CTSF: variants seen among roughly 807,000 people sequenced by gnomAD.
The protein encoded by CTSF is cathepsin F.
A neutral mutation model predicts 63.5 loss-of-function variants in CTSF; 65 were observed. That is an observed-to-expected ratio of 1.02 (90% CI 0.84 to 1.26). The LOEUF is 1.26. Ranked by LOEUF, CTSF falls within the 50% of genes most tolerant of loss-of-function variation. The pLI is 0.00. For synonymous variants in CTSF, 256 were observed against 258.1 expected (o/e 0.99, Z 0.08); for missense variants, 641 against 631.0 (o/e 1.02, Z -0.17).
chr11:66,568,387 GC>G lies in CTSF; in HGVS notation c.99del (p.Pro34ArgfsTer114), dbSNP rs1189504131. 2 of 1,307,988 alleles carry G rather than the reference GC, an allele frequency of 1.5e-6. No individual in the cohort carries two copies. The highest frequency in any genetic ancestry group is 1.9e-6 in the Non-Finnish European group (2 of 1,036,550). The allele number at this position is 1,307,988 out of a possible 1,614,324, so 81.0% of individuals were successfully genotyped here. On this transcript the variant is annotated frameshift_variant, in exon 1 of 13. Coordinates refer to ENST00000310325, the MANE Select transcript of CTSF (RefSeq NM_003793.4). LOFTEE classifies it high-confidence loss of function. The part of the protein sequence containing the change: ...QPRAASFQAW[G>X]PPSPELLAPT... ...GGCGCCAGCAGCTCCGGGGACGGCGGCCCCCAGGCCTGAAAGCTGGCGGCTC... is the reference window on the plus strand; with the variant it reads ...GGCGCCAGCAGCTCCGGGGACGGCGGCCCCAGGCCTGAAAGCTGGCGGCTC...
Position 66,564,903 on chromosome 11 carries a change from C to T in CTSF, c.1149G>A (p.Leu383=), listed in dbSNP as rs764163045. The T allele has an allele frequency of 1.9e-6, 3 of 1,611,908 alleles. No homozygotes were observed. In the South Asian group the frequency reaches 3.3e-5, roughly 18 times the overall value. Residue 383 remains leucine, a synonymous_variant, in exon 9 of 13, where the codon CTG becomes CTA. Transcript: ENST00000310325. ...CTCACTCACTCTGCTCGTTCTGGCT[C>T]AGCTCCACGGAGTCATTGATGTAGA... ...AKVYINDSVE[L]SQNEQKLAAW...
At chr11:66,567,105 G>A in intron 4 of CTSF, 141 bp downstream of exon 4, 1 of 848,208 alleles carries the variant, frequency 1.2e-6, no homozygotes, top group Non-Finnish European at 1.9e-6. Context: ...GGCTGGGAAG[G>A]CTTAGGGAGA....
Position 66,564,130 on chromosome 11 carries a change from A to G in CTSF, c.1338T>C (p.Phe446=), listed in dbSNP as rs749483471. The G allele has an allele frequency of 2.0e-5, 32 of 1,612,684 alleles. No individual in the cohort carries two copies. In the East Asian group the frequency reaches 6.9e-4, roughly 35 times the overall value. ...TGCCCCAGCTGTTCTTGATGGCCCA[A>G]AAGGGAACGTCAGAGCCTGGGGTGC... ...VGYGNRSDVP[F]WAIKNSWGTD... Residue 446 remains phenylalanine (F), a synonymous_variant, in exon 12 of 13, where the codon TTT becomes TTC. Coordinates refer to ENST00000310325, the MANE Select transcript of CTSF (RefSeq NM_003793.4).
Position 66,568,560 on chromosome 11 carries a change from C to A in CTSF, c.-74G>T, listed in dbSNP as rs1430246881. The A allele has an allele frequency of 2.6e-5, 37 of 1,439,962 alleles. No individual in the cohort carries two copies. Among genetic ancestry groups the A allele is most frequent in the Non-Finnish European group, 3.4e-5 (37 of 1,101,070 alleles). The allele number at this position is 1,439,962 out of a possible 1,614,324, so 89.2% of individuals were successfully genotyped here. On this transcript the variant is annotated 5_prime_UTR_variant, in exon 1 of 13. Coordinates refer to ENST00000310325, the MANE Select transcript of CTSF (RefSeq NM_003793.4). Reference sequence around the variant, plus strand: ...CACCGGGTACCGAGCCCGCGGCCAGCGGGGCCTGAGTCCTCCCTCCAGCGG... The same window carrying A: ...CACCGGGTACCGAGCCCGCGGCCAGAGGGGCCTGAGTCCTCCCTCCAGCGG...
intron 11 of CTSF, chr11:66,564,354 T>C: frequency 1.3e-6 from 1 of 763,306 alleles, no homozygotes; most frequent in South Asian, 1.9e-5. Context: ...TTGCAGGTTA[T>C]TAGGCCATCA....
chr11:66,566,178 A>G lies in CTSF; in HGVS notation c.722-11T>C. 6.2e-7 allele frequency: 1 copy of G among 1,614,008 alleles called. No individual in the cohort carries two copies. The highest frequency in any genetic ancestry group is 8.5e-7 in the Non-Finnish European group (1 of 1,179,984). ...TGCGGAACTCCTCCTCTGCGGGCAA[A>G]GGTGGGCAGGGCATGGGGAGGAAGA... On this transcript the variant is annotated splice_polypyrimidine_tract_variant and intron_variant, in intron 5 of 12. Coordinates refer to ENST00000310325, the MANE Select transcript of CTSF (RefSeq NM_003793.4).
Position 66,567,582 on chromosome 11 carries a change from A to G in CTSF, c.393T>C (p.Val131=), listed in dbSNP as rs779437860. The part of the protein sequence containing the change: ...RKDCGPVDTK[V]PGAGEPKSAF... ...CTGACTTGGGCTCCCCAGCACCTGG[A>G]ACCTTGGTGTCCACTGGGCCACAGT... The change falls in exon 3 of 13, where the codon GTT becomes GTC. Residue 131 remains valine (V), a synonymous_variant. Transcript: ENST00000310325. 8 of 1,614,074 alleles carry G rather than the reference A, an allele frequency of 5.0e-6. No individual in the cohort carries two copies. Among genetic ancestry groups the G allele is most frequent in the Non-Finnish European group, 6.8e-6 (8 of 1,180,040 alleles).
At position 66,566,425 on chromosome 11, in the gene CTSF, G is replaced by GACCCC; in HGVS notation, c.608-22_608-21insGGGGT. Reference sequence around the variant, plus strand: ...GGCTTCTGAGGACCAAGGAGCAGAAGAGGAGGGGTTCGACCCCAGGCAGAT... The same window carrying GACCCC: ...GGCTTCTGAGGACCAAGGAGCAGAAGACCCCAGGAGGGGTTCGACCCCAGGCAGAT... On this transcript the variant is annotated intron_variant, in intron 4 of 12. Transcript: ENST00000310325. The GACCCC allele has an allele frequency of 1.9e-6, 3 of 1,612,020 alleles. No individual in the cohort carries two copies. The East Asian group carries it at 6.7e-5, about 36-fold the overall frequency.
chr11:66,565,826 C>T lies in CTSF; in HGVS notation c.964+5G>A. On this transcript the variant is annotated splice_donor_5th_base_variant and intron_variant, in intron 7 of 12. Coordinates refer to ENST00000310325, the MANE Select transcript of CTSF (RefSeq NM_003793.4). Reference sequence around the variant, plus strand: ...GGGGACAGAGGAGTAGAGCGAGATGCTCACCCTGTTCAGAGAGGGAGAGCA... The same window carrying T: ...GGGGACAGAGGAGTAGAGCGAGATGTTCACCCTGTTCAGAGAGGGAGAGCA... 1 of 1,613,978 alleles carries T rather than the reference C, an allele frequency of 6.2e-7. No individual in the cohort carries two copies. Among genetic ancestry groups the T allele is most frequent in the Non-Finnish European group, 8.5e-7 (1 of 1,180,040 alleles).
intron 11 of CTSF, 69 bp downstream of exon 11, chr11:66,564,489 G>T: frequency 7.4e-7 from 1 of 1,345,070 alleles, no homozygotes; most frequent in South Asian, 1.4e-5. Context: ...CCCTCTAGAG[G>T]ACCTGAGATG....
Position 66,564,575 on chromosome 11 carries a change from A to G in CTSF, c.1304T>C (p.Leu435Pro). Residue 435 changes from leucine (L) to proline (P), a missense_variant, in exon 11 of 13, where the codon CTT becomes CCT. Physicochemically the swap from Leu to Pro is moderately conservative, Grantham distance 98. Coordinates refer to ENST00000310325, the MANE Select transcript of CTSF (RefSeq NM_003793.4). ...GAACTCACGGTTGCCGTAGCCCACAAGCAACACCGCATGGTCAATGAGCCA... is the reference window on the plus strand; with the variant it reads ...GAACTCACGGTTGCCGTAGCCCACAGGCAACACCGCATGGTCAATGAGCCA... ...SPWLIDHAVL[L>P]VGYGNRSDVP... 1 of 1,574,510 alleles carries G rather than the reference A, an allele frequency of 6.4e-7. No homozygotes were observed. Among genetic ancestry groups the G allele is most frequent in the African/African-American group, 1.3e-5 (1 of 74,192 alleles).
rs1427373843 is a variant in CTSF, at chr11:66,565,889, G to A, written c.906C>T (p.Gly302=). 2 of 1,614,058 alleles carry A rather than the reference G, an allele frequency of 1.2e-6. No homozygotes were observed. The highest frequency in any genetic ancestry group is 4.5e-5 in the East Asian group (2 of 44,888). The change falls in exon 7 of 13, where the codon GGC becomes GGT. Residue 302 remains glycine, a synonymous_variant. Transcript: ENST00000310325. Reference sequence around the variant, plus strand: ...TGAGAAACCACTGGCCCTCCACATTGCCTGTGACTGAGAAGGCCCAGCAGG... The same window carrying A: ...TGAGAAACCACTGGCCCTCCACATTACCTGTGACTGAGAAGGCCCAGCAGG... ...CGSCWAFSVT[G]NVEGQWFLNQ... is the part of the protein sequence containing the mutation.
chr11:66,567,630 T>C lies in CTSF; in HGVS notation c.345A>G (p.Gly115=), dbSNP rs760205507. Reference sequence around the variant, plus strand: ...AGTCCTTCCGCAGCAGCACGTGTCTTCCGAGCTCATCCAGGACTTGGAAGC... The same window carrying C: ...AGTCCTTCCGCAGCAGCACGTGTCTCCCGAGCTCATCCAGGACTTGGAAGC... ...LCSFQVLDEL[G]RHVLLRKDCG... Residue 115 remains glycine, a synonymous_variant, in exon 3 of 13, where the codon GGA becomes GGG. Coordinates refer to ENST00000310325, the MANE Select transcript of CTSF (RefSeq NM_003793.4). The C allele has an allele frequency of 6.2e-7, 1 of 1,614,138 alleles. No individual in the cohort carries two copies. The highest frequency in any genetic ancestry group is 8.5e-7 in the Non-Finnish European group (1 of 1,180,020).
At chr11:66,567,363 A>G (rs1298011443) in intron 3 of CTSF, 42 bp from the exon 4 acceptor site, 1 of 1,613,210 alleles carries the variant, frequency 6.2e-7, no homozygotes, top group Admixed American at 1.7e-5. Flanking sequence ...AGAGAAACCC[A>G]CTCCAGAGGG....
chr11:66,563,776 A>G lies in CTSF; in HGVS notation c.*157T>C. The G allele has an allele frequency of 1.2e-6, 1 of 826,338 alleles. No homozygotes were observed. The highest frequency in any genetic ancestry group is 1.9e-6 in the Non-Finnish European group (1 of 532,000). 51.2% of individuals were successfully genotyped at this position (826,338 alleles called of 1,614,324 possible). A position where few individuals can be genotyped will look rare whatever the true frequency, so the allele number is the denominator to read the frequency against. On this transcript the variant is annotated 3_prime_UTR_variant, in exon 13 of 13. Transcript: ENST00000310325. ...GGGTGGGAATGGGGTGCAGGGAAGCAGGGGCTGTGCCCCAGCCCAGTGCCC... is the reference window on the plus strand; with the variant it reads ...GGGTGGGAATGGGGTGCAGGGAAGCGGGGGCTGTGCCCCAGCCCAGTGCCC...
At position 66,563,925 on chromosome 11, in the gene CTSF, G is replaced by T. The variant is rs775586638; in HGVS notation, c.*8C>A. 7 of 1,611,850 alleles carry T rather than the reference G, an allele frequency of 4.3e-6. No homozygotes were observed. The South Asian group carries it at 7.7e-5, about 18-fold the overall frequency. On this transcript the variant is annotated 3_prime_UTR_variant, in exon 13 of 13. Transcript: ENST00000310325. ...ATCAGCACCAGGTCCCGAGCTGGGG[G>T]CCCCTCTTCAGTCCACCACCGCCGA...
rs200646712 is a variant in CTSF at position 66,565,688 on chromosome 11, G to A, written c.1028C>T (p.Ser343Leu). 19 of 1,613,404 alleles carry A rather than the reference G, an allele frequency of 1.2e-5. No individual in the cohort carries two copies. The highest frequency in any genetic ancestry group is 4.4e-5 in the South Asian group (4 of 91,084). The part of the protein sequence containing the change: ...CMGGLPSNAY[S>L]AIKNLGGLET... ...ATGCATACCCAAATTCTTTATGGCCGAGTAGGCATTGGAGGGCAAGCCGCC... is the reference window on the plus strand; with the variant it reads ...ATGCATACCCAAATTCTTTATGGCCAAGTAGGCATTGGAGGGCAAGCCGCC... The change falls in exon 8 of 13, where the codon TCG becomes TTG. Residue 343 changes from serine to leucine, a missense_variant. Ser to Leu is a moderately radical substitution (Grantham distance 145). Coordinates refer to ENST00000310325, the MANE Select transcript of CTSF (RefSeq NM_003793.4).
Position 66,566,008 on chromosome 11 carries a change from TC to T in CTSF, c.867+13del. On this transcript the variant is annotated intron_variant, in intron 6 of 12. Transcript: ENST00000310325. ...GCAGTGCCCATGTCCCACCCTCACT[TC>T]CAGGGGTCCAACCTGGTCTTTGACT... 7 of 1,614,094 alleles carry T rather than the reference TC, an allele frequency of 4.3e-6. No individual in the cohort carries two copies. The highest frequency in any genetic ancestry group is 5.1e-6 in the Non-Finnish European group (6 of 1,179,988).
chr11:66,566,890 T>C (rs537449572), intron 4 of CTSF, among the ~76,000 whole-genome samples: 1 of 152,038 alleles, frequency 6.6e-6, no homozygotes, highest in South Asian at 2.1e-4. Flanking sequence ...ACCTGGCTAA[T>C]TTTTGTACTT....
Sources: allele counts gnomAD v4.1 joint callset (sites outside exome capture counted in the v4.1 genomes callset), GRCh38; gene constraint gnomAD v4.1.1; transcripts MANE v1.5; gene names NCBI Gene and HGNC (gene_info 2026-07-23, HGNC 2026-07-21).